The following MAPKAP1 variants were observed in gnomAD, a reference collection of about 807,000 sequenced individuals.
The protein encoded by MAPKAP1 is MAPK associated protein 1, also known as target of rapamycin complex 2 subunit MAPKAP1.
MAPKAP1 carries 20 observed loss-of-function variants against 65.7 expected under a neutral mutation model. The ratio of observed to expected loss-of-function variants is 0.30; its 90% confidence interval spans 0.21 to 0.44. The LOEUF is 0.44. Among genes scored for constraint, MAPKAP1 ranks in the 20% least tolerant of loss-of-function variants. The pLI, the probability that MAPKAP1 is intolerant of heterozygous loss-of-function variation, is 1.00. For synonymous variants in MAPKAP1, 222 were observed against 244.3 expected (o/e 0.91, Z 0.85); for missense variants, 423 against 648.0 (o/e 0.65, Z 3.77).
intron 9 of MAPKAP1, among the ~76,000 whole-genome samples, chr9:125,481,217 A>C (rs1442839581): frequency 6.6e-6 from 1 of 152,186 alleles, no homozygotes; most frequent in Non-Finnish European, 1.5e-5. Context: ...TTTTCCTTTG[A>C]AATAATTTAC....
intron 6 of MAPKAP1, among the ~76,000 whole-genome samples, chr9:125,551,453 C>A (rs1830582615): frequency 6.6e-6 from 1 of 152,188 alleles, no homozygotes. Flanking sequence ...CTGCCCAAGG[C>A]AGCCCAGCTT....
chr9:125,611,260 A>AG (rs1832593106), intron 4 of MAPKAP1, among the ~76,000 whole-genome samples: 2 of 152,240 alleles, frequency 1.3e-5, no homozygotes, highest in Non-Finnish European at 2.9e-5. Flanking sequence ...TTACAAGATC[A>AG]AAATCAGACT....
At chr9:125,697,254 A>T (rs911599676) in intron 1 of MAPKAP1, among the ~76,000 whole-genome samples, 2 of 152,212 alleles carry the variant, frequency 1.3e-5, no homozygotes, top group African/African-American at 4.8e-5. Flanking sequence ...ACAACTTCAC[A>T]ATCACCTGCA....
At chr9:125,605,593 G>A (rs1832417663) in intron 4 of MAPKAP1, among the ~76,000 whole-genome samples, 1 of 152,176 alleles carries the variant, frequency 6.6e-6, no homozygotes, top group Non-Finnish European at 1.5e-5. Context: ...GTACCGCACG[G>A]CCGCATCTCT....
chr9:125,469,394 C>G (rs1853812343), intron 9 of MAPKAP1, among the ~76,000 whole-genome samples: 1 of 152,056 alleles, frequency 6.6e-6, no homozygotes, highest in Non-Finnish European at 1.5e-5. Flanking sequence ...CACAGTCTGA[C>G]AGCAAATTTA....
chr9:125,576,908 G>A (rs1283252733), intron 5 of MAPKAP1, among the ~76,000 whole-genome samples: 2 of 152,106 alleles, frequency 1.3e-5, no homozygotes, highest in Non-Finnish European at 2.9e-5. Context: ...GCCTCCCAAA[G>A]TGCCGAGATT....
chr9:125,521,348 T>C, intron 7 of MAPKAP1: 1 of 484,980 alleles, frequency 2.1e-6, no homozygotes, highest in Non-Finnish European at 2.7e-6. Flanking sequence ...TTGGAAACCT[T>C]TACCTTTGTC....
chr9:125,616,710 G>A (rs150891094), intron 4 of MAPKAP1, among the ~76,000 whole-genome samples: 6 of 152,050 alleles, frequency 3.9e-5, no homozygotes, highest in African/African-American at 1.5e-4. Flanking sequence ...CAACACTGAC[G>A]CACTGCTGGA....
rs571797265 is a variant in MAPKAP1, at chr9:125,650,343, G to GAACA, written c.498+7304_498+7307dup. 7.2e-5 allele frequency: 11 copies of GAACA among 152,274 alleles called. No individual in the cohort carries two copies. In the South Asian group the frequency reaches 1.4e-3, roughly 20 times the overall value. The allele number at this position is 152,274 out of a possible 1,614,324, so 9.4% of individuals were successfully genotyped here. A position where few individuals can be genotyped will look rare whatever the true frequency, so the allele number is the denominator to read the frequency against. ...CTTCCCCGTGCCATGAGGTTAAAGAGAACACCTCTACCAATCATACCCGGT... is the reference window on the plus strand; with the variant it reads ...CTTCCCCGTGCCATGAGGTTAAAGAGAACAAACACCTCTACCAATCATACCCGGT... On this transcript the variant is annotated intron_variant, in intron 4 of 11. Transcript: ENST00000265960.
Position 125,623,704 on chromosome 9 carries a change from T to TG in MAPKAP1, c.498+33946dup, listed in dbSNP as rs1193823214. ...GCAGCCACCCCGTCCGGGAGGGAGG[T>TG]GGGGGGGGGGTCAGCCCCCCGCCCG... On this transcript the variant is annotated intron_variant, in intron 4 of 11. Transcript: ENST00000265960. Among the ~76,000 whole-genome samples, 52 of 6,276 alleles carry TG rather than the reference T, an allele frequency of 8.3e-3. 6 individuals carry two copies. In the South Asian group the frequency reaches 0.25, roughly 30 times the overall value. 4.1% of individuals were successfully genotyped at this position (6,276 alleles called of 152,430 possible).
chr9:125,478,182 T>A (rs1417573421), intron 9 of MAPKAP1: 1 of 152,074 alleles, frequency 6.6e-6, no homozygotes, highest in Non-Finnish European at 1.5e-5. Context: ...ATAAACAACA[T>A]CTAAAATAAA....
intron 5 of MAPKAP1, among the ~76,000 whole-genome samples, chr9:125,573,646 C>G (rs1298871239): frequency 6.6e-6 from 1 of 152,182 alleles, no homozygotes; most frequent in African/African-American, 2.4e-5. Flanking sequence ...TGGATCAAGA[C>G]CCCTGTCCTG....
intron 6 of MAPKAP1, among the ~76,000 whole-genome samples, chr9:125,546,763 C>A (rs143037628): frequency 6.6e-6 from 1 of 152,102 alleles, no homozygotes; most frequent in African/African-American, 2.4e-5. Context: ...CCTGCCTTCC[C>A]TGTGGCACAC....
intron 1 of MAPKAP1, among the ~76,000 whole-genome samples, chr9:125,692,620 A>C (rs779848483): frequency 1.3e-5 from 2 of 152,204 alleles, no homozygotes; most frequent in African/African-American, 4.8e-5. Context: ...TAAATTGTAC[A>C]TTTTAGAGGC....
intron 1 of MAPKAP1, among the ~76,000 whole-genome samples, chr9:125,701,301 A>G (rs933709106): frequency 4.6e-5 from 7 of 152,228 alleles, no homozygotes; most frequent in Non-Finnish European, 8.8e-5. Flanking sequence ...ATCAGTAATA[A>G]AAGTATATTA....
intron 3 of MAPKAP1, among the ~76,000 whole-genome samples, chr9:125,661,349 T>C (rs188356403): frequency 3.5e-4 from 54 of 152,136 alleles, no homozygotes; most frequent in African/African-American, 1.2e-3. Flanking sequence ...AAAACAAAAC[T>C]TAAAAAAAAA....
intron 5 of MAPKAP1, among the ~76,000 whole-genome samples, chr9:125,582,191 T>C (rs1831645814): frequency 6.6e-6 from 1 of 152,232 alleles, no homozygotes; most frequent in African/African-American, 2.4e-5. Flanking sequence ...TCCAGTACTG[T>C]ACTTTTAATT....
chr9:125,647,698 C>T (rs1228615784), intron 4 of MAPKAP1, among the ~76,000 whole-genome samples: 2 of 152,152 alleles, frequency 1.3e-5, no homozygotes, highest in African/African-American at 4.8e-5. Context: ...TTTAAGTTCC[C>T]CAAGGGCAGT....
intron 1 of MAPKAP1, among the ~76,000 whole-genome samples, chr9:125,694,826 A>G (rs563355272): frequency 9.2e-5 from 14 of 152,340 alleles, no homozygotes; most frequent in African/African-American, 3.4e-4. Context: ...TGAAGACTCA[A>G]TATATTTGTT....
Sources: gnomAD v4.1 joint callset for allele counts (sites outside exome capture counted in the v4.1 genomes callset) on GRCh38, gnomAD v4.1.1 for gene constraint, MANE v1.5 for transcripts, NCBI Gene and HGNC (gene_info 2026-07-23, HGNC 2026-07-21) for gene names.